Variants in NFE2L3 observed in about 807,000 individuals in gnomAD.
NFE2L3 encodes the protein nuclear factor erythroid 2-related factor 3.
NFE2L3 carries 18 observed loss-of-function variants against 23.5 expected under a neutral mutation model. That is an observed-to-expected ratio of 0.77 (90% CI 0.53 to 1.13). The LOEUF is 1.13. Among genes scored for constraint, NFE2L3 ranks in the 50% most tolerant of loss-of-function variants. The pLI is 0.00. For synonymous variants in NFE2L3, 424 were observed against 354.5 expected, an observed-to-expected ratio of 1.20 and a Z score of -2.20; for missense variants, 1,152 against 877.2, an observed-to-expected ratio of 1.31 and a Z score of -3.96.
rs571354002 is a variant in NFE2L3, at chr7:26,185,395, T to A, written c.1697T>A (p.Leu566Ter). The change falls in exon 4 of 4, where the codon TTA becomes TAA. Residue 566 changes from leucine (L) to a stop codon, truncating the protein, a stop_gained. Transcript: ENST00000056233. LOFTEE classifies it low-confidence loss of function (END_TRUNC). ...CCTGTTGATTCTTTCAATAGCATGT[T>A]AAGTAGATATTATCTGACAGACCTA... Reference protein sequence around the residue: ...GMPVDSFNSMLSRYYLTDLQV... With the variant: ...GMPVDSFNSM The A allele has an allele frequency of 1.2e-6, 2 of 1,614,150 alleles. No homozygotes were observed. Among genetic ancestry groups the A allele is most frequent in the Admixed American group, 1.7e-5 (1 of 60,024 alleles).
chr7:26,159,054 A>G (rs1784128627), intron 1 of NFE2L3, among the ~76,000 whole-genome samples: 1 of 152,178 alleles, frequency 6.6e-6, no homozygotes, highest in Non-Finnish European at 1.5e-5. Flanking sequence ...TTTCCAAAGC[A>G]CACCTTGGTT....
intron 1 of NFE2L3, among the ~76,000 whole-genome samples, chr7:26,157,494 TA>T (rs1007801453): frequency 2.0e-5 from 3 of 152,168 alleles, no homozygotes; most frequent in East Asian, 3.8e-4. Flanking sequence ...CCTTGATTGT[TA>T]AAGTAAAAAT....
chr7:26,155,030 A>G (rs1784060669), intron 1 of NFE2L3, among the ~76,000 whole-genome samples: 1 of 152,166 alleles, frequency 6.6e-6, no homozygotes, highest in Admixed American at 6.5e-5. Context: ...GTTACATTCA[A>G]TCTGGCAAAA....
chr7:26,185,948 ACTT>A lies in NFE2L3; in HGVS notation c.*167_*169del, dbSNP rs1307806026. ...AAGCTTACATGGACAAATGTTTAGG[ACTT>A]CAAGATCACACTTGTGGGCAATCTG... On this transcript the variant is annotated 3_prime_UTR_variant, in exon 4 of 4. Coordinates refer to ENST00000056233, the MANE Select transcript of NFE2L3 (RefSeq NM_004289.7). The A allele has an allele frequency of 8.2e-6, 5 of 606,808 alleles. No homozygotes were observed. The highest frequency in any genetic ancestry group is 1.4e-5 in the Non-Finnish European group (5 of 368,410). 37.6% of individuals were successfully genotyped at this position (606,808 alleles called of 1,614,324 possible).
At chr7:26,162,950 G>A (rs945209631) in intron 1 of NFE2L3, among the ~76,000 whole-genome samples, 4 of 152,082 alleles carry the variant, frequency 2.6e-5, no homozygotes, top group African/African-American at 9.7e-5. Flanking sequence ...GGGCTCAAAT[G>A]ATCCACCTGC....
chr7:26,154,837 G>A (rs1449900763), intron 1 of NFE2L3, among the ~76,000 whole-genome samples: 1 of 152,228 alleles, frequency 6.6e-6, no homozygotes, highest in African/African-American at 2.4e-5. Context: ...CACCATGGGT[G>A]GCCTAGACTG....
rs1782463271 is a variant in NFE2L3 at position 26,185,576 on chromosome 7, A to G, written c.1878A>G (p.Gln626=). 1 of 1,613,866 alleles carries G rather than the reference A, an allele frequency of 6.2e-7. No individual in the cohort carries two copies. The highest frequency in any genetic ancestry group is 8.5e-7 in the Non-Finnish European group (1 of 1,179,790). ...AAACTCTTAAGAGAGAGCAAGCACA[A>G]TGTAACAAAGCTATTAACATAATGA... ...KKETLKREQA[Q]CNKAINIMKQ... is the part of the protein sequence containing the mutation. The change falls in exon 4 of 4, where the codon CAA becomes CAG. Residue 626 remains glutamine (Q), a synonymous_variant. Transcript: ENST00000056233.
intron 1 of NFE2L3, among the ~76,000 whole-genome samples, chr7:26,158,763 G>A (rs533553231): frequency 2.0e-5 from 3 of 152,346 alleles, no homozygotes; most frequent in African/African-American, 4.8e-5. Flanking sequence ...CTTGAGGCAG[G>A]CTGGTCTAGG....
chr7:26,158,481 G>T (rs1426451382), intron 1 of NFE2L3, among the ~76,000 whole-genome samples: 2 of 152,116 alleles, frequency 1.3e-5, no homozygotes, highest in East Asian at 1.9e-4. Flanking sequence ...AAAGCTAACT[G>T]AGCTGTTTCT....
rs551438716 is a variant in NFE2L3 at position 26,163,409 on chromosome 7, C to T, written c.570+10341C>T. On this transcript the variant is annotated intron_variant, in intron 1 of 3. Transcript: ENST00000056233. ...TTGCCCAGGCTGGGGTGCAATGGCG[C>T]GATCTCAGCTCACTGCAACCTCCAC... is the stretch of plus-strand genomic sequence containing the variant. Among the ~76,000 whole-genome samples, 9 of 152,244 alleles carry T rather than the reference C, an allele frequency of 5.9e-5. No individual in the cohort carries two copies. The South Asian group carries it at 6.2e-4, about 11-fold the overall frequency.
intron 1 of NFE2L3, among the ~76,000 whole-genome samples, chr7:26,155,025 A>C (rs992357846): frequency 6.6e-6 from 1 of 152,206 alleles, no homozygotes; most frequent in Non-Finnish European, 1.5e-5. Flanking sequence ...ACCTGGTTAC[A>C]TTCAATCTGG....
At chr7:26,168,524 G>A (rs140720277) in intron 1 of NFE2L3, among the ~76,000 whole-genome samples, 9,986 of 147,272 alleles carry the variant, frequency 0.068, 755 homozygotes, top group East Asian at 0.35. Flanking sequence ...ATGATTATAT[G>A]CATATAATAT....
chr7:26,159,326 A>T (rs1360837462), intron 1 of NFE2L3, among the ~76,000 whole-genome samples: 2 of 152,128 alleles, frequency 1.3e-5, no homozygotes, highest in Non-Finnish European at 2.9e-5. Flanking sequence ...TTTATGGTTA[A>T]ATTCTCAAAC....
intron 1 of NFE2L3, among the ~76,000 whole-genome samples, chr7:26,176,468 C>CAA (rs1583935071): frequency 6.6e-6 from 1 of 150,538 alleles, no homozygotes; most frequent in African/African-American, 2.4e-5. Context: ...ACTTCCCAGA[C>CAA]GGGGCGGCCG....
In NFE2L3 at chr7:26,184,507, T is replaced by C. The variant is rs183354762; in HGVS notation, c.835-26T>C. On this transcript the variant is annotated intron_variant, in intron 3 of 3. Coordinates refer to ENST00000056233, the MANE Select transcript of NFE2L3 (RefSeq NM_004289.7). ...CTTCAGAAATAGGGCTATTCATGTT[T>C]GAAGTGTTTCTCCTTCGTTTTTCAG... The C allele has an allele frequency of 1.8e-5, 29 of 1,582,752 alleles. No individual in the cohort carries two copies. The Admixed American group carries it at 4.4e-4, about 24-fold the overall frequency.
At chr7:26,180,200 C>T (rs1158158987) in intron 2 of NFE2L3, among the ~76,000 whole-genome samples, 1 of 152,290 alleles carries the variant, frequency 6.6e-6, no homozygotes, top group East Asian at 1.9e-4. Context: ...AAAACACACA[C>T]TGAGTTCTAA....
chr7:26,160,839 A>G (rs1475915333), intron 1 of NFE2L3, among the ~76,000 whole-genome samples: 3 of 152,224 alleles, frequency 2.0e-5, no homozygotes, highest in East Asian at 3.8e-4. Context: ...AAAACTGACC[A>G]TCACGCCATC....
Position 26,152,890 on chromosome 7 carries a change from C to G in NFE2L3, c.392C>G (p.Ala131Gly), listed in dbSNP as rs1486013103. The G allele has an allele frequency of 6.9e-7, 1 of 1,452,266 alleles. No individual in the cohort carries two copies. 90.0% of individuals were successfully genotyped at this position (1,452,266 alleles called of 1,614,324 possible). The change falls in exon 1 of 4, where the codon GCC becomes GGC. Residue 131 changes from alanine to glycine, a missense_variant. By Grantham distance (60) the Ala-to-Gly change is moderately conservative. Coordinates refer to ENST00000056233, the MANE Select transcript of NFE2L3 (RefSeq NM_004289.7). The surrounding 1 kb of genome is among the most constrained non-coding windows in gnomAD (Gnocchi z 4.4). ...ADEAHGLLGA[A>G]AASSTGGAGA... ...GAGGCCCACGGGCTGCTCGGCGCCG[C>G]CGCCGCCTCGTCCACCGGAGGAGCC...
chr7:26,184,857 AAT>A lies in NFE2L3; in HGVS notation c.1164_1165del (p.Phe389Ter), dbSNP rs1284594208. 1.9e-6 allele frequency: 3 copies of A among 1,613,950 alleles called. No individual in the cohort carries two copies. The South Asian group carries it at 3.3e-5, about 18-fold the overall frequency. On this transcript the variant is annotated frameshift_variant, in exon 4 of 4. Coordinates refer to ENST00000056233, the MANE Select transcript of NFE2L3 (RefSeq NM_004289.7). LOFTEE classifies it low-confidence loss of function (END_TRUNC). ...SQDLLYDLDINIFDEINLMSL... is the reference protein window; with the variant it reads ...SQDLLYDLDIXIFDEINLMSL... ...AGACCTACTGTATGACCTTGACATA[AAT>A]ATATTTGATGAGATAAACTTAATGT...
Sources: gnomAD v4.1 joint callset for allele counts (sites outside exome capture counted in the v4.1 genomes callset) on GRCh38, gnomAD v4.1.1 for gene constraint, Gnocchi (gnomAD v3.1) non-coding constraint, MANE v1.5 for transcripts, NCBI Gene and HGNC (gene_info 2026-07-23, HGNC 2026-07-21) for gene names.